Variants in PEBP4 observed in about 807,000 individuals in gnomAD.
PEBP4 encodes phosphatidylethanolamine binding protein 4, also known as phosphatidylethanolamine-binding protein 4.
In PEBP4, 22 loss-of-function variants were observed where a neutral mutation model predicts 23.9. The ratio of observed to expected loss-of-function variants is 0.92; its 90% CI spans 0.66 to 1.31. The LOEUF (loss-of-function observed/expected upper bound fraction) is 1.31. PEBP4 is among the 40% of genes most tolerant of loss of function. The probability of loss-of-function intolerance (pLI) is 0.00; values close to 1 mark genes in which losing one functional copy is unlikely to be tolerated. For missense variants in PEBP4, 324 were observed against 281.7 expected, an observed-to-expected ratio of 1.15 and a Z score of -1.07; for synonymous variants, 112 against 99.3, an observed-to-expected ratio of 1.13 and a Z score of -0.76.
In PEBP4 at chr8:22,870,287, C is replaced by T. The variant is rs553178426; in HGVS notation, c.258+49897G>A. 8.0e-4 allele frequency among the ~76,000 whole-genome samples: 122 copies of T among 152,234 alleles called. 1 individual carries two copies. Among genetic ancestry groups the T allele is most frequent in the South Asian group, 3.1e-3 (15 of 4,820 alleles). On this transcript the variant is annotated intron_variant, in intron 3 of 6. Coordinates refer to ENST00000256404, the MANE Select transcript of PEBP4 (RefSeq NM_144962.3). ...AATGAGCTACCAAGCCATGAAAAGACGCAGAGGAATCTTAAATGCATATTA... is the reference window on the plus strand; with the variant it reads ...AATGAGCTACCAAGCCATGAAAAGATGCAGAGGAATCTTAAATGCATATTA...
At position 22,920,307 on chromosome 8, in the gene PEBP4, G is replaced by T. The variant is rs762115106; in HGVS notation, c.135C>A (p.Gly45=). ...CCAACTCTGGGTAGAAAACTTCAAG[G>T]CCCCTATGAAGAGAGAGGGGAGGTT... ...LLDEDTLFCQ[G]LEVFYPELGN... Residue 45 remains glycine (G), a synonymous_variant, in exon 3 of 7, where the codon GGC becomes GGA. Transcript: ENST00000256404. 10 of 1,612,556 alleles carry T rather than the reference G, an allele frequency of 6.2e-6. No individual in the cohort carries two copies. Among genetic ancestry groups the T allele is most frequent in the Non-Finnish European group, 7.6e-6 (9 of 1,178,862 alleles).
intron 4 of PEBP4, among the ~76,000 whole-genome samples, chr8:22,808,047 CCATT>C (rs1368733909): frequency 2.0e-5 from 3 of 152,100 alleles, no homozygotes; most frequent in Non-Finnish European, 4.4e-5. Context: ...ATCCATCCAT[CCATT>C]CATCCATTCA....
At chr8:22,746,023 T>C (rs1805107697) in intron 4 of PEBP4, among the ~76,000 whole-genome samples, 1 of 152,228 alleles carries the variant, frequency 6.6e-6, no homozygotes, top group African/African-American at 2.4e-5. Flanking sequence ...GGACTGCTCA[T>C]GTGTCTGTGG....
At chr8:22,847,667 G>C (rs529659666) in intron 3 of PEBP4, among the ~76,000 whole-genome samples, 3 of 152,152 alleles carry the variant, frequency 2.0e-5, no homozygotes, top group Admixed American at 1.3e-4. Flanking sequence ...GGTCCATGGT[G>C]GGGGAGGGTA....
At position 22,831,387 on chromosome 8, in the gene PEBP4, T is replaced by G. The variant is rs111453729; in HGVS notation, c.259-13652A>C. On this transcript the variant is annotated intron_variant, in intron 3 of 6. Transcript: ENST00000256404. ...TGGCATCTATTTCTGCTTGCCATTATATTCCCAGTAGAGTACAGTGTCTGC... is the reference window on the plus strand; with the variant it reads ...TGGCATCTATTTCTGCTTGCCATTAGATTCCCAGTAGAGTACAGTGTCTGC... Among the ~76,000 whole-genome samples, 121 of 152,308 alleles carry G rather than the reference T, an allele frequency of 7.9e-4. 1 individual carries two copies. The highest frequency in any genetic ancestry group is 2.6e-3 in the African/African-American group (106 of 41,558).
At chr8:22,934,115 AG>A (rs1233895160) in intron 1 of PEBP4, among the ~76,000 whole-genome samples, 2 of 152,202 alleles carry the variant, frequency 1.3e-5, no homozygotes, top group African/African-American at 4.8e-5. Flanking sequence ...TATTCATGAA[AG>A]GTCTGCCCCC....
intron 3 of PEBP4, among the ~76,000 whole-genome samples, chr8:22,870,413 A>C (rs1180887992): frequency 2.6e-5 from 4 of 152,236 alleles, no homozygotes; most frequent in Non-Finnish European, 5.9e-5. Context: ...AAATATCAGC[A>C]GTCGCCAGGG....
At chr8:22,749,075 G>C (rs186964110) in intron 4 of PEBP4, among the ~76,000 whole-genome samples, 2 of 152,298 alleles carry the variant, frequency 1.3e-5, no homozygotes, top group South Asian at 4.1e-4. Flanking sequence ...GGGAACAGGA[G>C]GGGTGTCCCA....
chr8:22,750,631 GT>G (rs1247752472), intron 4 of PEBP4, among the ~76,000 whole-genome samples: 1 of 151,668 alleles, frequency 6.6e-6, no homozygotes, highest in East Asian at 1.9e-4. Flanking sequence ...GTGGGAGTTT[GT>G]TTTTTTTCCT....
chr8:22,764,202 T>G (rs1805565062), intron 4 of PEBP4, among the ~76,000 whole-genome samples: 1 of 152,176 alleles, frequency 6.6e-6, no homozygotes, highest in African/African-American at 2.4e-5. Flanking sequence ...TCTATTGGGT[T>G]AGAGTGGTCC....
intron 3 of PEBP4, among the ~76,000 whole-genome samples, chr8:22,836,369 CT>C (rs767414258): frequency 5.9e-5 from 9 of 152,244 alleles, no homozygotes; most frequent in Non-Finnish European, 1.3e-4. Context: ...TTGGAGCTGA[CT>C]TTTACTCACA....
At chr8:22,838,486 C>A (rs1807253210) in intron 3 of PEBP4, among the ~76,000 whole-genome samples, 1 of 152,214 alleles carries the variant, frequency 6.6e-6, no homozygotes, top group Non-Finnish European at 1.5e-5. Context: ...GCCTCTGGTC[C>A]TTTACTTCCT....
chr8:22,865,170 T>TCC lies in PEBP4; in HGVS notation c.259-47436_259-47435insGG. 6.6e-6 allele frequency among the ~76,000 whole-genome samples: 1 copy of TCC among 151,860 alleles called. No homozygotes were observed. The highest frequency in any genetic ancestry group is 1.9e-4 in the East Asian group (1 of 5,138). On this transcript the variant is annotated intron_variant, in intron 3 of 6. Coordinates refer to ENST00000256404, the MANE Select transcript of PEBP4 (RefSeq NM_144962.3). This position sits in a 1 kb window ranked among gnomAD's most constrained non-coding sequence, Gnocchi z 6.9. ...TGCTGGACGGGGCTAGAGGCCCACG[T>TCC]TCTCCTGTGACTCAGGTCTGACTCA... is the stretch of plus-strand genomic sequence containing the variant.
Position 22,791,863 on chromosome 8 carries a change from C to CT in PEBP4, c.357+25773dup, listed in dbSNP as rs33966538. Among the ~76,000 whole-genome samples, 180 of 148,162 alleles carry CT rather than the reference C, an allele frequency of 1.2e-3. 1 individual carries two copies. The highest frequency in any genetic ancestry group is 9.4e-3 in the South Asian group (44 of 4,688). ...GGCTAACATTTAAAAGCACTGGATT[C>CT]TTTTTTTTTTTTAGACAGGGTCTCA... On this transcript the variant is annotated intron_variant, in intron 4 of 6. Coordinates refer to ENST00000256404, the MANE Select transcript of PEBP4 (RefSeq NM_144962.3).
intron 3 of PEBP4, among the ~76,000 whole-genome samples, chr8:22,888,481 C>T (rs551522765): frequency 1.3e-5 from 2 of 152,294 alleles, no homozygotes; most frequent in East Asian, 3.9e-4. Flanking sequence ...GGAGAACCCT[C>T]AGTCTTGGCC....
At chr8:22,811,073 CTCTT>C (rs1446446029) in intron 4 of PEBP4, among the ~76,000 whole-genome samples, 8 of 152,138 alleles carry the variant, frequency 5.3e-5, no homozygotes, top group East Asian at 1.9e-4. Flanking sequence ...TCCGCACTCT[CTCTT>C]TCTTTCTCTC....
At chr8:22,845,910 T>A (rs1185716801) in intron 3 of PEBP4, among the ~76,000 whole-genome samples, 1 of 152,332 alleles carries the variant, frequency 6.6e-6, no homozygotes, top group East Asian at 1.9e-4. Context: ...ATGACTGGCG[T>A]GGTCAGCCAG....
intron 3 of PEBP4, among the ~76,000 whole-genome samples, chr8:22,820,546 G>C (rs960468041): frequency 6.6e-6 from 1 of 152,178 alleles, no homozygotes; most frequent in African/African-American, 2.4e-5. Flanking sequence ...AAGCAGAGGA[G>C]CATTTATCAA....
At chr8:22,864,910 A>G (rs1390983614) in intron 3 of PEBP4, among the ~76,000 whole-genome samples, 1 of 152,182 alleles carries the variant, frequency 6.6e-6, no homozygotes, top group African/African-American at 2.4e-5. Flanking sequence ...AGGTCGGGGC[A>G]GGGGACCCAG....
Sources: gnomAD v4.1 joint callset for allele counts (sites outside exome capture counted in the v4.1 genomes callset) on GRCh38, gnomAD v4.1.1 for gene constraint, Gnocchi (gnomAD v3.1) non-coding constraint, MANE v1.5 for transcripts, NCBI Gene and HGNC (gene_info 2026-07-23, HGNC 2026-07-21) for gene names.